Variants in TMEM87A observed in about 807,000 individuals in gnomAD.
The protein encoded by TMEM87A is Golgi-pH regulating cation channel.
TMEM87A carries 50 observed loss-of-function variants against 90.0 expected under a neutral mutation model. The ratio of observed to expected loss-of-function variants is 0.56; its 90% CI spans 0.44 to 0.70. The LOEUF is 0.70. Ranked by LOEUF, TMEM87A falls within the 30% of genes least tolerant of loss-of-function variation. TMEM87A has a pLI of 0.00. For synonymous variants in TMEM87A, 226 were observed against 226.7 expected (o/e 1.00, Z 0.03); for missense variants, 577 against 660.5 (o/e 0.87, Z 1.39).
Position 42,236,363 on chromosome 15 carries a change from G to C in TMEM87A, c.925C>G (p.Arg309Gly). 2 of 1,614,076 alleles carry C rather than the reference G, an allele frequency of 1.2e-6. No homozygotes were observed. The highest frequency in any genetic ancestry group is 1.7e-6 in the Non-Finnish European group (2 of 1,179,972). The change falls in exon 10 of 20, where the codon CGA (arginine) becomes GGA (glycine). Residue 309 changes from arginine to glycine, a missense_variant. Physicochemically the swap from Arg to Gly is moderately radical, Grantham distance 125. Transcript: ENST00000389834. The stretch of plus-strand genomic sequence containing the variant: ...AGACTGACTATGATGACCAGGGTTC[G>C]AGCCAGTGAGCGTTTCACTGCTGAA... ...LLSAVKRSLA[R>G]TLVIIVSLGY... is the part of the protein sequence containing the mutation.
chr15:42,214,672 A>C (rs1452988887), intron 19 of TMEM87A, among the ~76,000 whole-genome samples: 1 of 152,216 alleles, frequency 6.6e-6, no homozygotes, highest in Non-Finnish European at 1.5e-5. Context: ...ACAAAAATCA[A>C]CTCAAAATAG....
chr15:42,220,548 AAT>A (rs1433814796), intron 15 of TMEM87A, among the ~76,000 whole-genome samples: 1 of 152,262 alleles, frequency 6.6e-6, no homozygotes, highest in East Asian at 1.9e-4. Context: ...ATATGTATCA[AAT>A]AGAGTTAAGT....
chr15:42,268,241 T>C (rs2051444464), intron 2 of TMEM87A, among the ~76,000 whole-genome samples: 2 of 152,168 alleles, frequency 1.3e-5, no homozygotes, highest in Non-Finnish European at 2.9e-5. Flanking sequence ...AAATAGCAGG[T>C]AAGCAGTTTT....
At chr15:42,245,300 C>T (rs558661118) in intron 6 of TMEM87A, among the ~76,000 whole-genome samples, 1 of 152,220 alleles carries the variant, frequency 6.6e-6, no homozygotes, top group East Asian at 1.9e-4. Flanking sequence ...CTTTCCTGAA[C>T]TTACTTACTC....
At chr15:42,236,202 G>T in intron 10 of TMEM87A, 118 bp downstream of exon 10, 1 of 902,946 alleles carries the variant, frequency 1.1e-6, no homozygotes, top group Non-Finnish European at 1.7e-6. Context: ...TACCTTTCTT[G>T]TTTCAGAATT....
At chr15:42,231,593 T>C (rs1292390482) in intron 11 of TMEM87A, among the ~76,000 whole-genome samples, 1 of 152,204 alleles carries the variant, frequency 6.6e-6, no homozygotes, top group African/African-American at 2.4e-5. Context: ...ATCTATCATT[T>C]CCTATTATTG....
intron 8 of TMEM87A, among the ~76,000 whole-genome samples, chr15:42,238,268 T>C (rs995982235): frequency 5.3e-5 from 8 of 151,886 alleles, no homozygotes; most frequent in Non-Finnish European, 2.9e-5. Flanking sequence ...ACTCTGTCCC[T>C]ACAAAAAATA....
intron 2 of TMEM87A, chr15:42,271,519 C>T (rs1404959316): frequency 6.6e-6 from 1 of 152,142 alleles, no homozygotes; most frequent in Non-Finnish European, 1.5e-5. Context: ...CGTATTTGTA[C>T]TCTACTTTCC....
At chr15:42,221,265 CAGAGACAGAGAGAGAGAGAGAGAGAGAG>C (rs1328567625) in intron 15 of TMEM87A, among the ~76,000 whole-genome samples, 13 of 146,358 alleles carry the variant, frequency 8.9e-5, no homozygotes, top group African/African-American at 3.3e-4. Flanking sequence ...AAAGGAGAGA[CAGAGACAGAGAGAGAGAGAGAGAGAGAG>C]AGACAGAGAG....
chr15:42,253,309 C>T (rs1421409993), intron 6 of TMEM87A, among the ~76,000 whole-genome samples: 1 of 152,206 alleles, frequency 6.6e-6, no homozygotes, highest in East Asian at 1.9e-4. Context: ...TCAATATACA[C>T]AGAAGCCTTA....
chr15:42,213,147 G>A (rs757145322), intron 19 of TMEM87A, among the ~76,000 whole-genome samples: 58 of 152,326 alleles, frequency 3.8e-4, no homozygotes, highest in Non-Finnish European at 7.5e-4. Flanking sequence ...TGATAGAGAG[G>A]AAACCCTCAG....
intron 3 of TMEM87A, among the ~76,000 whole-genome samples, chr15:42,265,653 G>T (rs2051387894): frequency 6.6e-6 from 1 of 152,098 alleles, no homozygotes; most frequent in Non-Finnish European, 1.5e-5. Flanking sequence ...TCTGTAGGCT[G>T]TCTACTCTAT....
intron 6 of TMEM87A, among the ~76,000 whole-genome samples, chr15:42,257,315 A>T (rs2140973088): frequency 6.6e-6 from 1 of 152,094 alleles, no homozygotes. Context: ...ATTATTAAAA[A>T]AAAAGCCCAC....
At chr15:42,266,826 T>C (rs2051416491) in intron 3 of TMEM87A, among the ~76,000 whole-genome samples, 1 of 152,208 alleles carries the variant, frequency 6.6e-6, no homozygotes, top group African/African-American at 2.4e-5. Context: ...TAAATTATTG[T>C]CTTGAGATAA....
intron 2 of TMEM87A, 70 bp downstream of exon 2, chr15:42,271,993 A>G (rs2140998108): frequency 1.6e-6 from 2 of 1,230,802 alleles, no homozygotes; most frequent in South Asian, 2.8e-5. Flanking sequence ...CTTATAAAAT[A>G]GGTAATTTAA....
chr15:42,261,863 T>C (rs1426081620), intron 4 of TMEM87A, among the ~76,000 whole-genome samples: 1 of 152,134 alleles, frequency 6.6e-6, no homozygotes, highest in Non-Finnish European at 1.5e-5. Context: ...CTCAATCTCC[T>C]GACCTCATGA....
chr15:42,263,776 C>T (rs1487560890), intron 4 of TMEM87A, among the ~76,000 whole-genome samples: 1 of 152,002 alleles, frequency 6.6e-6, no homozygotes, highest in East Asian at 1.9e-4. Flanking sequence ...GGAGATGGGT[C>T]GATGGCTGCA....
chr15:42,238,124 C>A lies in TMEM87A; in HGVS notation c.685-509G>T, dbSNP rs544280339. 1.3e-4 allele frequency among the ~76,000 whole-genome samples: 20 copies of A among 152,166 alleles called. No individual in the cohort carries two copies. The East Asian group carries it at 3.7e-3, about 28-fold the overall frequency. ...TATGGTATATATAGAGAGCACTCAG[C>A]CTGCTCTCCTATAGTAAAAGAGCTT... On this transcript the variant is annotated intron_variant, in intron 8 of 19. Coordinates refer to ENST00000389834, the MANE Select transcript of TMEM87A (RefSeq NM_015497.5).
intron 6 of TMEM87A, among the ~76,000 whole-genome samples, chr15:42,253,979 C>T (rs2051131795): frequency 6.6e-6 from 1 of 152,134 alleles, no homozygotes; most frequent in Non-Finnish European, 1.5e-5. Flanking sequence ...GGACATCTGA[C>T]CCGAGAGCCT....
Sources: allele counts gnomAD v4.1 joint callset (sites outside exome capture counted in the v4.1 genomes callset), GRCh38; gene constraint gnomAD v4.1.1; transcripts MANE v1.5; gene names NCBI Gene and HGNC (gene_info 2026-07-23, HGNC 2026-07-21).